Variants in UGGT1 observed in about 807,000 individuals in gnomAD.
UGGT1 encodes the protein UDP-glucose glycoprotein glucosyltransferase 1.
In UGGT1, 107 loss-of-function variants were observed where a neutral mutation model predicts 203.9. The observed-to-expected ratio is 0.52, with a 90% CI of 0.45 to 0.62. The LOEUF is 0.62. Ranked by LOEUF, UGGT1 falls within the 20% of genes least tolerant of loss-of-function variation. UGGT1 has a pLI of 0.00. For missense variants in UGGT1, 1,673 were observed against 1,867.2 expected (o/e 0.90, Z 1.92); for synonymous variants, 628 against 653.5 (o/e 0.96, Z 0.59).
chr2:128,175,191 A>T (rs1458630318), intron 31 of UGGT1, among the ~76,000 whole-genome samples: 1 of 152,190 alleles, frequency 6.6e-6, no homozygotes, highest in African/African-American at 2.4e-5. Flanking sequence ...AAAGAAAGAA[A>T]GAACAGCCAC....
Position 128,106,628 on chromosome 2 carries a change from G to A in UGGT1, c.278-1310G>A, listed in dbSNP as rs1055766702. ...CTTGCTCAGGCTGGAGTGCAGTGGC[G>A]TAATCTCGCTGCAACCTCTGCCTCC... On this transcript the variant is annotated intron_variant, in intron 3 of 40. Transcript: ENST00000259253. Among the ~76,000 whole-genome samples, 10 of 152,092 alleles carry A rather than the reference G, an allele frequency of 6.6e-5. No individual in the cohort carries two copies. In the East Asian group the frequency reaches 1.9e-3, roughly 29 times the overall value.
intron 16 of UGGT1, 104 bp from the exon 17 acceptor site, chr2:128,142,990 A>G: frequency 8.0e-7 from 1 of 1,242,640 alleles, no homozygotes; most frequent in South Asian, 1.9e-5. Context: ...AAAAAAAAAA[A>G]GAAAAATAAG....
At chr2:128,186,858 G>T in intron 39 of UGGT1, 59 bp downstream of exon 39, 1 of 1,175,094 alleles carries the variant, frequency 8.5e-7, no homozygotes, top group Non-Finnish European at 1.2e-6. Flanking sequence ...AGTGAATCAC[G>T]ATTAATGATT....
chr2:128,168,697 C>T (rs1690920977), intron 26 of UGGT1, among the ~76,000 whole-genome samples: 1 of 152,140 alleles, frequency 6.6e-6, no homozygotes, highest in South Asian at 2.1e-4. Flanking sequence ...TTTAAGTCAC[C>T]AGTCTGTGTG....
chr2:128,139,466 C>G (rs1191293942), intron 16 of UGGT1, among the ~76,000 whole-genome samples: 1 of 151,900 alleles, frequency 6.6e-6, no homozygotes, highest in Non-Finnish European at 1.5e-5. Flanking sequence ...CATGTTTGAT[C>G]GAGGGGGCCA....
chr2:128,143,065 A>G (rs765967952), intron 16 of UGGT1, 29 bp from the exon 17 acceptor site: 4 of 1,565,212 alleles, frequency 2.6e-6, no homozygotes, highest in Non-Finnish European at 3.5e-6. Flanking sequence ...TTAAAAGTGT[A>G]GTTAACCAAC....
At chr2:128,157,497 C>T (rs947931344) in intron 22 of UGGT1, 151 bp downstream of exon 22, 1 of 592,614 alleles carries the variant, frequency 1.7e-6, no homozygotes, top group African/African-American at 1.9e-5. Flanking sequence ...TAGAGATCTG[C>T]CAGCTCTCAA....
intron 1 of UGGT1, among the ~76,000 whole-genome samples, chr2:128,094,074 A>G (rs907880034): frequency 1.1e-4 from 16 of 152,176 alleles, no homozygotes; most frequent in African/African-American, 3.6e-4. Context: ...TCTACATGCC[A>G]TCCACCTGGG....
chr2:128,152,051 T>C (rs1252009966), intron 18 of UGGT1, among the ~76,000 whole-genome samples: 1 of 152,262 alleles, frequency 6.6e-6, no homozygotes, highest in Non-Finnish European at 1.5e-5. Flanking sequence ...GACAATGATT[T>C]CCTATCCTCT....
chr2:128,176,729 G>A, intron 31 of UGGT1, 85 bp from the exon 32 acceptor site: 2 of 1,276,064 alleles, frequency 1.6e-6, no homozygotes, highest in South Asian at 1.3e-5. Context: ...TTTATGAGAA[G>A]GATGATGGAC....
chr2:128,104,658 T>A (rs983086969), intron 3 of UGGT1, among the ~76,000 whole-genome samples: 30 of 152,336 alleles, frequency 2.0e-4, no homozygotes, highest in African/African-American at 7.2e-4. Flanking sequence ...TTTTAATTTT[T>A]ATTTTTTGAG....
intron 4 of UGGT1, among the ~76,000 whole-genome samples, chr2:128,109,125 CAGG>C (rs1687735475): frequency 6.6e-6 from 1 of 152,152 alleles, no homozygotes; most frequent in South Asian, 2.1e-4. Context: ...CTCCTGACCA[CAGG>C]AGATCTGCCT....
intron 12 of UGGT1, 96 bp from the exon 13 acceptor site, chr2:128,128,933 G>A: frequency 8.5e-7 from 1 of 1,172,372 alleles, no homozygotes; most frequent in Non-Finnish European, 1.2e-6. Flanking sequence ...ATTTGATTTG[G>A]CATTGAGGTT....
At chr2:128,167,855 A>G (rs1039705288) in intron 26 of UGGT1, among the ~76,000 whole-genome samples, 4 of 151,960 alleles carry the variant, frequency 2.6e-5, no homozygotes, top group African/African-American at 7.3e-5. Flanking sequence ...CACAAGGTCA[A>G]TTTGTGGTGT....
At chr2:128,128,301 T>G (rs1362252443) in intron 12 of UGGT1, among the ~76,000 whole-genome samples, 2 of 138,700 alleles carry the variant, frequency 1.4e-5, no homozygotes, top group Non-Finnish European at 3.1e-5. Flanking sequence ...ATCTTATTTC[T>G]CCTTCCTTTC....
Position 128,187,341 on chromosome 2 carries a change from T to C in UGGT1, c.4477-108T>C, listed in dbSNP as rs1573640308. 17 of 1,243,590 alleles carry C rather than the reference T, an allele frequency of 1.4e-5. No individual in the cohort carries two copies. In the East Asian group the frequency reaches 4.3e-4, roughly 32 times the overall value. 77.0% of individuals were successfully genotyped at this position (1,243,590 alleles called of 1,614,324 possible). ...TCTGGTAGTATATCATTTGGTTCCT[T>C]ACTATTGTTTTCTTGTCCAGTTAGG... On this transcript the variant is annotated intron_variant, in intron 39 of 40. Coordinates refer to ENST00000259253, the MANE Select transcript of UGGT1 (RefSeq NM_020120.4).
intron 6 of UGGT1, among the ~76,000 whole-genome samples, chr2:128,113,599 C>T (rs2105370212): frequency 6.6e-6 from 1 of 152,154 alleles, no homozygotes; most frequent in South Asian, 2.1e-4. Context: ...CTTCTGTTTT[C>T]TCTTTGCCAC....
rs1290979539 is a variant in UGGT1, at chr2:128,127,419, T to G, written c.1193T>G (p.Leu398Arg). The G allele has an allele frequency of 1.2e-6, 2 of 1,613,492 alleles. No individual in the cohort carries two copies. Among genetic ancestry groups the G allele is most frequent in the Admixed American group, 1.7e-5 (1 of 59,994 alleles). ...GATTCAGCCCTCTTCATCAATGGAC[T>G]TCACATGGATTTAGATACACAGGAT... ...PGDSALFING[L>R]HMDLDTQDIF... Residue 398 changes from leucine (L) to arginine (R), a missense_variant, in exon 12 of 41, where the codon CTT (leucine) becomes CGT (arginine). Physicochemically the swap from Leu to Arg is moderately radical, Grantham distance 102. Around this residue, in one of 4 missense-constraint regions of UGGT1, gnomAD observed 1,073 missense variants for 1,078.7 expected, o/e 0.99. Coordinates refer to ENST00000259253, the MANE Select transcript of UGGT1 (RefSeq NM_020120.4).
chr2:128,164,896 C>T (rs1573602750), intron 26 of UGGT1, 71 bp downstream of exon 26: 1 of 1,150,548 alleles, frequency 8.7e-7, no homozygotes, highest in East Asian at 2.6e-5. Flanking sequence ...ACCTCAGCTC[C>T]TTCATTTTTC....
Sources: gnomAD v4.1 joint callset for allele counts (sites outside exome capture counted in the v4.1 genomes callset) on GRCh38, gnomAD v4.1.1 for gene constraint, gnomAD v4.1.1 regional missense constraint, MANE v1.5 for transcripts, NCBI Gene and HGNC (gene_info 2026-07-23, HGNC 2026-07-21) for gene names.